Variants in DCC observed in about 807,000 individuals in gnomAD.
DCC encodes DCC netrin 1 receptor, also known as netrin receptor DCC.
DCC carries 58 observed loss-of-function variants against 172.5 expected under a neutral mutation model. The ratio of observed to expected loss-of-function variants is 0.34; its 90% CI spans 0.27 to 0.42. The LOEUF (loss-of-function observed/expected upper bound fraction) is 0.42, where lower values mean the gene tolerates loss of function less well. DCC is among the 10% of genes least tolerant of loss of function. DCC has a pLI of 1.00. For missense variants in DCC, 1,740 were observed against 1,791.0 expected (o/e 0.97, Z 0.51); for synonymous variants, 709 against 644.5 (o/e 1.10, Z -1.52).
chr18:52,633,346 T>C (rs1252410325), intron 1 of DCC, among the ~76,000 whole-genome samples: 2 of 152,222 alleles, frequency 1.3e-5, no homozygotes, highest in Non-Finnish European at 2.9e-5. Context: ...GGAGGTACGC[T>C]GGCACTGAAG....
At chr18:53,486,651 G>A (rs2045903259) in intron 25 of DCC, 146 bp from the exon 26 acceptor site, 4 of 976,668 alleles carry the variant, frequency 4.1e-6, no homozygotes, top group Non-Finnish European at 4.7e-6. Flanking sequence ...AAGTGGGATT[G>A]GTGGAGAGAG....
intron 26 of DCC, among the ~76,000 whole-genome samples, chr18:53,497,353 A>ATGCC (rs1230977152): frequency 6.6e-6 from 1 of 152,220 alleles, no homozygotes; most frequent in African/African-American, 2.4e-5. Flanking sequence ...CTCCTAAGCA[A>ATGCC]TGCCTGCAAT....
intron 7 of DCC, among the ~76,000 whole-genome samples, chr18:53,149,019 C>T (rs1346541919): frequency 6.6e-6 from 1 of 151,938 alleles, no homozygotes. Context: ...CCCCCCACCA[C>T]ACCCGGCTAG....
At chr18:52,420,379 T>C (rs1372209480) in intron 1 of DCC, among the ~76,000 whole-genome samples, 1 of 152,182 alleles carries the variant, frequency 6.6e-6, no homozygotes, top group African/African-American at 2.4e-5. Context: ...CATGTGATCT[T>C]GATCTAACCA....
At chr18:52,420,330 G>A (rs183370498) in intron 1 of DCC, among the ~76,000 whole-genome samples, 1 of 152,270 alleles carries the variant, frequency 6.6e-6, no homozygotes, top group Admixed American at 6.5e-5. Flanking sequence ...GTGCTTACCA[G>A]GATGTAGTGG....
chr18:53,036,161 A>G (rs2042089384), intron 5 of DCC, among the ~76,000 whole-genome samples: 1 of 152,022 alleles, frequency 6.6e-6, no homozygotes, highest in South Asian at 2.1e-4. Context: ...TTAGGTTTAC[A>G]AAAAATTTAA....
chr18:52,859,844 A>G (rs2156286), intron 2 of DCC, among the ~76,000 whole-genome samples: 45,949 of 152,106 alleles, frequency 0.3, 8,269 homozygotes, highest in Middle Eastern at 0.42. Context: ...AATTACATAC[A>G]TAAAAAGGCA....
intron 7 of DCC, among the ~76,000 whole-genome samples, chr18:53,130,359 T>C (rs1178717605): frequency 6.6e-6 from 1 of 152,154 alleles, no homozygotes; most frequent in East Asian, 1.9e-4. Context: ...ACTTTGGATC[T>C]ATAAATGTGG....
intron 7 of DCC, among the ~76,000 whole-genome samples, chr18:53,127,137 T>G (rs74672041): frequency 3.3e-5 from 1 of 30,422 alleles, no homozygotes; most frequent in Non-Finnish European, 6.6e-5. Flanking sequence ...TTGATCGTTG[T>G]TTTTTTTTTT....
At chr18:53,156,066 G>T (rs1196139367) in intron 7 of DCC, among the ~76,000 whole-genome samples, 1 of 152,154 alleles carries the variant, frequency 6.6e-6, no homozygotes, top group Non-Finnish European at 1.5e-5. Context: ...AGAATATTGA[G>T]GTCTCCATTG....
chr18:53,373,257 G>A (rs1461026842), intron 15 of DCC, among the ~76,000 whole-genome samples: 2 of 152,114 alleles, frequency 1.3e-5, no homozygotes, highest in South Asian at 4.1e-4. Context: ...CATGTGGATA[G>A]TAATTTTTAC....
intron 12 of DCC, among the ~76,000 whole-genome samples, chr18:53,243,193 G>C (rs559814660): frequency 1.2e-4 from 19 of 152,066 alleles, no homozygotes; most frequent in Non-Finnish European, 1.3e-4. Flanking sequence ...TCAAGGAGTC[G>C]GGTCCTCATT....
chr18:52,463,944 G>A (rs573792234), intron 1 of DCC, among the ~76,000 whole-genome samples: 42 of 152,312 alleles, frequency 2.8e-4, no homozygotes, highest in Admixed American at 2.2e-3. Flanking sequence ...CAATCCTTCA[G>A]TATTGTAGTC....
intron 9 of DCC, among the ~76,000 whole-genome samples, chr18:53,203,207 G>GTGTT (rs907990295): frequency 2.9e-5 from 2 of 68,214 alleles, no homozygotes; most frequent in African/African-American, 9.3e-5. Flanking sequence ...TCTCTTGTGT[G>GTGTT]TGTGTGTGTG....
At chr18:52,802,110 C>T (rs2038000938) in intron 2 of DCC, among the ~76,000 whole-genome samples, 1 of 151,666 alleles carries the variant, frequency 6.6e-6, no homozygotes, top group Non-Finnish European at 1.5e-5. Context: ...AGTACTATAG[C>T]ATGGCAATAA....
At chr18:53,361,610 A>G (rs1265605159) in intron 15 of DCC, among the ~76,000 whole-genome samples, 1 of 152,144 alleles carries the variant, frequency 6.6e-6, no homozygotes, top group Non-Finnish European at 1.5e-5. Flanking sequence ...GTGTCAGTCA[A>G]TTGTTGGCCA....
intron 5 of DCC, among the ~76,000 whole-genome samples, chr18:53,014,533 T>A (rs1421052815): frequency 6.7e-6 from 1 of 148,236 alleles, no homozygotes; most frequent in African/African-American, 2.5e-5. Context: ...AGTGAGAACA[T>A]GCAGTGTTTG....
intron 2 of DCC, among the ~76,000 whole-genome samples, chr18:52,842,731 C>A (rs939978041): frequency 7.2e-5 from 11 of 152,168 alleles, no homozygotes; most frequent in Admixed American, 2.6e-4. Flanking sequence ...GATTTTGATG[C>A]ATGCTCAAGT....
At chr18:53,342,010 A>G (rs1438123736) in intron 15 of DCC, among the ~76,000 whole-genome samples, 1 of 152,150 alleles carries the variant, frequency 6.6e-6, no homozygotes, top group East Asian at 1.9e-4. Context: ...TTATACAACT[A>G]AAAGTGAATT....
Sources: gnomAD v4.1 joint callset for allele counts (sites outside exome capture counted in the v4.1 genomes callset) on GRCh38, gnomAD v4.1.1 for gene constraint, MANE v1.5 for transcripts, NCBI Gene and HGNC (gene_info 2026-07-23, HGNC 2026-07-21) for gene names.